PPP1R3B: variants seen among roughly 807,000 people sequenced by gnomAD.
PPP1R3B encodes protein phosphatase 1 regulatory subunit 3B, also known as PP1 subunit R4.
PPP1R3B carries 8 observed loss-of-function variants against 14.6 expected under a neutral mutation model. The observed-to-expected ratio is 0.55, with a 90% confidence interval of 0.32 to 0.99. The LOEUF (loss-of-function observed/expected upper bound fraction) is 0.99, where lower values mean the gene tolerates loss of function less well. Ranked by LOEUF, PPP1R3B falls within the 50% of genes least tolerant of loss-of-function variation. The pLI is 0.04. For synonymous variants in PPP1R3B, 169 were observed against 142.0 expected (o/e 1.19, Z -1.35); for missense variants, 452 against 360.1 (o/e 1.26, Z -2.07).
rs1439613965 is a variant in PPP1R3B at position 9,138,215 on chromosome 8, C to G, written c.*2579G>C. 2.0e-5 allele frequency: 3 copies of G among 152,122 alleles called. No individual in the cohort carries two copies. The East Asian group carries it at 5.8e-4, about 29-fold the overall frequency. The allele number at this position is 152,122 out of a possible 1,614,324, so 9.4% of individuals were successfully genotyped here. A position where few individuals can be genotyped will look rare whatever the true frequency, so the allele number is the denominator to read the frequency against. On this transcript the variant is annotated 3_prime_UTR_variant, in exon 2 of 2. Coordinates refer to ENST00000310455, the MANE Select transcript of PPP1R3B (RefSeq NM_024607.4). ...TTTATGCTATTAATAGTTCTGATCACCAAATTTATAACATTTAAAGTACTG... is the reference window on the plus strand; with the variant it reads ...TTTATGCTATTAATAGTTCTGATCAGCAAATTTATAACATTTAAAGTACTG...
At position 9,140,871 on chromosome 8, in the gene PPP1R3B, T is replaced by A; in HGVS notation, c.781A>T (p.Ser261Cys). The A allele has an allele frequency of 6.2e-7, 1 of 1,614,190 alleles. No individual in the cohort carries two copies. Among genetic ancestry groups the A allele is most frequent in the Non-Finnish European group, 8.5e-7 (1 of 1,180,038 alleles). Residue 261 changes from serine to cysteine, a missense_variant, in exon 2 of 2, where the codon AGC (serine) becomes TGC (cysteine). Transcript: ENST00000310455. ...DLGISFDQFG[S>C]PRCSYGLFPE... ...AACAGACCATAGGAACACCGAGGGC[T>A]TCCGAACTGGTCAAAGGATATTCCC...
intron 1 of PPP1R3B, among the ~76,000 whole-genome samples, chr8:9,146,325 C>T (rs1257445214): frequency 1.3e-5 from 2 of 152,154 alleles, no homozygotes; most frequent in Non-Finnish European, 2.9e-5. Flanking sequence ...CCTTATGGCA[C>T]AGGTGTAGGT....
chr8:9,141,823 C>T, intron 1 of PPP1R3B, 155 bp from the exon 2 acceptor site: 1 of 602,182 alleles, frequency 1.7e-6, no homozygotes, highest in Non-Finnish European at 2.7e-6. Context: ...TGGTGTGGTC[C>T]AGCACAACAT....
intron 1 of PPP1R3B, chr8:9,142,282 G>A (rs1010125917): frequency 6.5e-6 from 1 of 152,774 alleles, no homozygotes; most frequent in Non-Finnish European, 1.5e-5. Context: ...AATTTTTGTA[G>A]AGACAGGACT....
At position 9,141,382 on chromosome 8, in the gene PPP1R3B, G is replaced by A; in HGVS notation, c.270C>T (p.Phe90=). The part of the protein sequence containing the change: ...SEFDDPLDMP[F]NITELLDNIV... Reference sequence around the variant, plus strand: ...TGTTGTCTAGGAGCTCGGTGATGTTGAATGGCATATCTAGCGGGTCATCGA... The same window carrying A: ...TGTTGTCTAGGAGCTCGGTGATGTTAAATGGCATATCTAGCGGGTCATCGA... Residue 90 remains phenylalanine (F), a synonymous_variant, in exon 2 of 2, where the codon TTC becomes TTT. Coordinates refer to ENST00000310455, the MANE Select transcript of PPP1R3B (RefSeq NM_024607.4). 1 of 1,614,244 alleles carries A rather than the reference G, an allele frequency of 6.2e-7. No individual in the cohort carries two copies. Among genetic ancestry groups the A allele is most frequent in the Non-Finnish European group, 8.5e-7 (1 of 1,180,050 alleles).
At chr8:9,147,663 A>G (rs1585344585) in intron 1 of PPP1R3B, among the ~76,000 whole-genome samples, 1 of 152,004 alleles carries the variant, frequency 6.6e-6, no homozygotes, top group South Asian at 2.1e-4. Flanking sequence ...AGACCTTGGT[A>G]GAGTTTCACT....
intron 1 of PPP1R3B, among the ~76,000 whole-genome samples, chr8:9,144,380 G>C (rs149068238): frequency 1.3e-5 from 2 of 151,964 alleles, no homozygotes; most frequent in Non-Finnish European, 2.9e-5. Flanking sequence ...TTTTTGTAGA[G>C]ACGAGGTCTC....
At chr8:9,149,906 C>T (rs1021374169) in intron 1 of PPP1R3B, among the ~76,000 whole-genome samples, 2 of 152,238 alleles carry the variant, frequency 1.3e-5, no homozygotes, top group African/African-American at 4.8e-5. Context: ...AAACAGAGTA[C>T]TAGGCTAAGA....
In PPP1R3B at chr8:9,136,337, G is replaced by A. The variant is rs1800888347; in HGVS notation, c.*4457C>T. ...TACCACACAAAGAACATCCATTCTT[G>A]GGATTTTTAAAGTGCATTTCCCCTT... On this transcript the variant is annotated 3_prime_UTR_variant, in exon 2 of 2. Transcript: ENST00000310455. 6.6e-6 allele frequency: 1 copy of A among 152,098 alleles called. No homozygotes were observed. The highest frequency in any genetic ancestry group is 1.5e-5 in the Non-Finnish European group (1 of 68,010). 9.4% of individuals were successfully genotyped at this position (152,098 alleles called of 1,614,324 possible).
intron 1 of PPP1R3B, among the ~76,000 whole-genome samples, chr8:9,144,992 C>T (rs192191749): frequency 0.011 from 1,694 of 152,236 alleles, 27 homozygotes; most frequent in South Asian, 0.041. Flanking sequence ...GTGATCCACC[C>T]GCCTCGGCCT....
At chr8:9,142,626 C>A (rs973645831) in intron 1 of PPP1R3B, among the ~76,000 whole-genome samples, 2 of 152,136 alleles carry the variant, frequency 1.3e-5, no homozygotes, top group African/African-American at 4.8e-5. Context: ...TTCCTCCCGT[C>A]TACCTGAAAT....
chr8:9,143,174 T>C (rs931036079), intron 1 of PPP1R3B, among the ~76,000 whole-genome samples: 4 of 152,320 alleles, frequency 2.6e-5, no homozygotes, highest in African/African-American at 9.6e-5. Flanking sequence ...ATACTTATTT[T>C]CTTTGGTCTT....
chr8:9,148,861 C>T (rs1801322610), intron 1 of PPP1R3B, among the ~76,000 whole-genome samples: 1 of 152,200 alleles, frequency 6.6e-6, no homozygotes, highest in East Asian at 1.9e-4. Flanking sequence ...CCCCTCCATT[C>T]TCTTATTCTC....
chr8:9,140,363 G>A lies in PPP1R3B; in HGVS notation c.*431C>T, dbSNP rs879112304. On this transcript the variant is annotated 3_prime_UTR_variant, in exon 2 of 2. Transcript: ENST00000310455. ...GCAGGAAAGGCCTGGCTGGCAGAGA[G>A]CACCCAAAGATGAACACAATGAACA... 5 of 195,782 alleles carry A rather than the reference G, an allele frequency of 2.6e-5. No individual in the cohort carries two copies. The South Asian group carries it at 4.5e-4, about 18-fold the overall frequency. 12.1% of individuals were successfully genotyped at this position (195,782 alleles called of 1,614,324 possible). A position where few individuals can be genotyped will look rare whatever the true frequency, so the allele number is the denominator to read the frequency against.
At position 9,140,913 on chromosome 8, in the gene PPP1R3B, G is replaced by C. The variant is rs1801055983; in HGVS notation, c.739C>G (p.His247Asp). Reference sequence around the variant, plus strand: ...GATATTCCCAAATCCGGTCCACTGTGGGGCTTGGTCATTCCCTGGGTAGAT... The same window carrying C: ...GATATTCCCAAATCCGGTCCACTGTCGGGCTTGGTCATTCCCTGGGTAGAT... ...LKSTQGMTKP[H>D]SGPDLGISFD... The change falls in exon 2 of 2, where the codon CAC becomes GAC. Residue 247 changes from histidine (H) to aspartate (D), a missense_variant. By Grantham distance (81) the His-to-Asp change is moderately conservative. Coordinates refer to ENST00000310455, the MANE Select transcript of PPP1R3B (RefSeq NM_024607.4). 6.2e-7 allele frequency: 1 copy of C among 1,614,074 alleles called. No homozygotes were observed. Among genetic ancestry groups the C allele is most frequent in the Non-Finnish European group, 8.5e-7 (1 of 1,180,044 alleles).
chr8:9,140,113 G>A lies in PPP1R3B; in HGVS notation c.*681C>T, dbSNP rs330921. ...GCTCTCTGCTGGAATACATCTGTGG[G>A]GTCAAGAAGCGGGAGGAGGAAATGC... On this transcript the variant is annotated 3_prime_UTR_variant, in exon 2 of 2. Transcript: ENST00000310455. 40,852 of 154,514 alleles carry A rather than the reference G, an allele frequency of 0.26. 6,514 individuals carry two copies. The highest frequency in any genetic ancestry group is 0.67 in the East Asian group (3,447 of 5,154). The allele number at this position is 154,514 out of a possible 1,614,324, so 9.6% of individuals were successfully genotyped here. A position where few individuals can be genotyped will look rare whatever the true frequency, so the allele number is the denominator to read the frequency against.
chr8:9,149,355 T>A (rs1057372141), intron 1 of PPP1R3B, among the ~76,000 whole-genome samples: 2 of 147,974 alleles, frequency 1.4e-5, no homozygotes, highest in Non-Finnish European at 3.0e-5. Context: ...AAATAAAAAT[T>A]AGCTGGGCGT....
At chr8:9,142,293 C>G (rs757603990) in intron 1 of PPP1R3B, 1 of 152,668 alleles carries the variant, frequency 6.6e-6, no homozygotes, top group Non-Finnish European at 1.5e-5. Flanking sequence ...AGACAGGACT[C>G]GCTATGTTGC....
In PPP1R3B at chr8:9,136,265, T is replaced by A. The variant is rs3177461; in HGVS notation, c.*4529A>T. 1 of 152,238 alleles carries A rather than the reference T, an allele frequency of 6.6e-6. No individual in the cohort carries two copies. The highest frequency in any genetic ancestry group is 2.1e-4 in the South Asian group (1 of 4,828). 9.4% of individuals were successfully genotyped at this position (152,238 alleles called of 1,614,324 possible). A position where few individuals can be genotyped will look rare whatever the true frequency, so the allele number is the denominator to read the frequency against. On this transcript the variant is annotated 3_prime_UTR_variant, in exon 2 of 2. Coordinates refer to ENST00000310455, the MANE Select transcript of PPP1R3B (RefSeq NM_024607.4). ...GAAGGACACTTTCAGTTTTGTTTTG[T>A]CTTCCTTTATTACATTTTTGCTTTT...
Sources: allele counts gnomAD v4.1 joint callset (sites outside exome capture counted in the v4.1 genomes callset), GRCh38; gene constraint gnomAD v4.1.1; transcripts MANE v1.5; gene names NCBI Gene and HGNC (gene_info 2026-07-23, HGNC 2026-07-21).